The following FGF12 variants were observed in gnomAD, a reference collection of about 807,000 sequenced individuals.
FGF12 encodes fibroblast growth factor 12B.
FGF12 carries 14 observed loss-of-function variants against 23.6 expected under a neutral mutation model. The ratio of observed to expected loss-of-function variants is 0.59; its 90% CI spans 0.39 to 0.93. FGF12 has a LOEUF of 0.93. Among genes scored for constraint, FGF12 ranks in the 40% least tolerant of loss-of-function variants. The probability of loss-of-function intolerance (pLI) is 0.00; values close to 1 mark genes in which losing one functional copy is unlikely to be tolerated. For synonymous variants in FGF12, 62 were observed against 77.3 expected (o/e 0.80, Z 1.04); for missense variants, 175 against 217.8 (o/e 0.80, Z 1.24).
chr3:192,693,225 A>G (rs1163932600), intron 2 of FGF12, among the ~76,000 whole-genome samples: 1 of 152,198 alleles, frequency 6.6e-6, no homozygotes, highest in African/African-American at 2.4e-5. Flanking sequence ...AATAAATTCA[A>G]CCAAAGAGGT....
chr3:192,660,384 T>G (rs992207757), intron 2 of FGF12, among the ~76,000 whole-genome samples: 9 of 131,916 alleles, frequency 6.8e-5, no homozygotes, highest in African/African-American at 2.5e-4. Context: ...GGGGGAGGGA[T>G]AGCATTAGGA....
At chr3:192,382,974 A>G (rs974346350) in intron 2 of FGF12, among the ~76,000 whole-genome samples, 4 of 152,216 alleles carry the variant, frequency 2.6e-5, no homozygotes, top group African/African-American at 9.6e-5. Context: ...ACGGCCAGTC[A>G]AGAGATGCCA....
chr3:192,457,138 C>T (rs1030395450), intron 2 of FGF12, among the ~76,000 whole-genome samples: 23 of 152,200 alleles, frequency 1.5e-4, no homozygotes, highest in African/African-American at 5.5e-4. Flanking sequence ...GATTCTGAGG[C>T]CTCCCCAGCC....
chr3:192,581,287 C>G (rs893277683), intron 2 of FGF12, among the ~76,000 whole-genome samples: 2 of 151,836 alleles, frequency 1.3e-5, no homozygotes, highest in Non-Finnish European at 2.9e-5. Context: ...TTAATACAGC[C>G]GGGCATAGTG....
chr3:192,455,904 A>G (rs2108804206), intron 2 of FGF12, among the ~76,000 whole-genome samples: 1 of 152,356 alleles, frequency 6.6e-6, no homozygotes, highest in South Asian at 2.1e-4. Flanking sequence ...CATAAAGATG[A>G]AAACATACTT....
intron 2 of FGF12, among the ~76,000 whole-genome samples, chr3:192,722,690 G>C (rs974307737): frequency 1.3e-5 from 2 of 152,068 alleles, no homozygotes; most frequent in African/African-American, 4.8e-5. Context: ...ACTAATTAAG[G>C]CTATCCAACG....
At chr3:192,377,399 G>C (rs1719568116) in intron 2 of FGF12, among the ~76,000 whole-genome samples, 1 of 152,160 alleles carries the variant, frequency 6.6e-6, no homozygotes, top group African/African-American at 2.4e-5. Flanking sequence ...GGCACATAGA[G>C]ATTTCCCCTT....
chr3:192,358,689 C>T (rs1351780710), intron 3 of FGF12, among the ~76,000 whole-genome samples: 1 of 152,166 alleles, frequency 6.6e-6, no homozygotes, highest in Non-Finnish European at 1.5e-5. Flanking sequence ...GCACTTCTAC[C>T]CTTCTGTCTC....
intron 2 of FGF12, among the ~76,000 whole-genome samples, chr3:192,382,324 T>A (rs979311155): frequency 6.6e-6 from 1 of 152,102 alleles, no homozygotes; most frequent in Non-Finnish European, 1.5e-5. Context: ...AGCTTGTACA[T>A]CAATCAAATG....
rs1717400665 is a variant in FGF12 at position 192,678,330 on chromosome 3, C to G, written c.13+48851G>C. 2.0e-5 allele frequency among the ~76,000 whole-genome samples: 3 copies of G among 152,208 alleles called. No individual in the cohort carries two copies. In the South Asian group the frequency reaches 6.2e-4, roughly 31 times the overall value. On this transcript the variant is annotated intron_variant, in intron 2 of 5. Coordinates refer to ENST00000445105, the MANE Select transcript of FGF12 (RefSeq NM_004113.6). Reference sequence around the variant, plus strand: ...ACAGAATGTGAAGCCAAGCTGACTGCAGAGCTCATGCTTAGAAACCACTAT... The same window carrying G: ...ACAGAATGTGAAGCCAAGCTGACTGGAGAGCTCATGCTTAGAAACCACTAT...
chr3:192,299,281 A>G (rs1053082605), intron 4 of FGF12, among the ~76,000 whole-genome samples: 26 of 152,188 alleles, frequency 1.7e-4, no homozygotes, highest in African/African-American at 6.3e-4. Context: ...TGTAGCTGAA[A>G]TTATATCACT....
At chr3:192,623,752 C>A (rs894681200) in intron 2 of FGF12, among the ~76,000 whole-genome samples, 5 of 152,110 alleles carry the variant, frequency 3.3e-5, no homozygotes, top group Non-Finnish European at 5.9e-5. Flanking sequence ...AGCCAGAGAC[C>A]AAGGAAGTCC....
At chr3:192,185,467 C>T (rs1055270476) in intron 4 of FGF12, among the ~76,000 whole-genome samples, 1 of 152,118 alleles carries the variant, frequency 6.6e-6, no homozygotes, top group Non-Finnish European at 1.5e-5. Context: ...CAGCAGTAGA[C>T]TTTCTACAAA....
intron 2 of FGF12, among the ~76,000 whole-genome samples, chr3:192,480,679 T>G (rs763855857): frequency 6.6e-6 from 1 of 152,154 alleles, no homozygotes; most frequent in South Asian, 2.1e-4. Flanking sequence ...CTCCCTACAC[T>G]GAAGCAACAT....
intron 2 of FGF12, among the ~76,000 whole-genome samples, chr3:192,652,054 C>A (rs1192759908): frequency 6.6e-6 from 1 of 152,200 alleles, no homozygotes; most frequent in Non-Finnish European, 1.5e-5. Flanking sequence ...ATGCCAGACA[C>A]TCTGCTAGAT....
intron 2 of FGF12, among the ~76,000 whole-genome samples, chr3:192,674,482 A>G (rs1268529908): frequency 6.6e-6 from 1 of 152,030 alleles, no homozygotes; most frequent in African/African-American, 2.4e-5. Context: ...TAAGGCCCAT[A>G]CTCTGTAATT....
chr3:192,301,106 A>C (rs1009906236), intron 4 of FGF12, among the ~76,000 whole-genome samples: 2 of 152,196 alleles, frequency 1.3e-5, no homozygotes, highest in Non-Finnish European at 2.9e-5. Context: ...CCATAAGGAA[A>C]ACACAATGAG....
At chr3:192,458,140 CG>C (rs1248174575) in intron 2 of FGF12, among the ~76,000 whole-genome samples, 1 of 152,140 alleles carries the variant, frequency 6.6e-6, no homozygotes, top group African/African-American at 2.4e-5. Flanking sequence ...GATGCCCAGG[CG>C]AAAGTTTGCT....
At chr3:192,615,590 A>G (rs1302359789) in intron 2 of FGF12, among the ~76,000 whole-genome samples, 1 of 152,096 alleles carries the variant, frequency 6.6e-6, no homozygotes, top group African/African-American at 2.4e-5. Context: ...ACATGTCCAT[A>G]ATTTTTAACT....
Sources: gnomAD v4.1 joint callset for allele counts (sites outside exome capture counted in the v4.1 genomes callset) on GRCh38, gnomAD v4.1.1 for gene constraint, MANE v1.5 for transcripts, NCBI Gene and HGNC (gene_info 2026-07-23, HGNC 2026-07-21) for gene names.